GPR149: variants seen among roughly 807,000 people sequenced by gnomAD.
GPR149 encodes the protein G protein-coupled receptor 149, also known as probable G protein-coupled receptor 149.
GPR149 carries 50 observed loss-of-function variants against 50.2 expected under a neutral mutation model. That is an observed-to-expected ratio of 1.00 (90% CI 0.79 to 1.26). The LOEUF (loss-of-function observed/expected upper bound fraction) is 1.26. Ranked by LOEUF, GPR149 falls within the 50% of genes most tolerant of loss-of-function variation. GPR149 has a pLI of 0.00. For missense variants in GPR149, 983 were observed against 895.4 expected (o/e 1.10, Z -1.25); for synonymous variants, 405 against 358.2 (o/e 1.13, Z -1.48).
chr3:154,373,039 G>C (rs1356932704), intron 3 of GPR149, among the ~76,000 whole-genome samples: 1 of 152,040 alleles, frequency 6.6e-6, no homozygotes, highest in Admixed American at 6.6e-5. Context: ...ATTTTTTCTG[G>C]AATATATATT....
intron 3 of GPR149, among the ~76,000 whole-genome samples, chr3:154,371,838 C>A (rs184842976): frequency 1.3e-5 from 2 of 152,306 alleles, no homozygotes; most frequent in East Asian, 3.9e-4. Context: ...CTAGGCCCTG[C>A]GACAGCCATC....
chr3:154,394,303 A>T (rs959213875), intron 3 of GPR149, among the ~76,000 whole-genome samples: 1 of 152,112 alleles, frequency 6.6e-6, no homozygotes. Flanking sequence ...CACCAAGAAT[A>T]AACAATGGGG....
chr3:154,374,165 T>TTTTC (rs1335590587), intron 3 of GPR149, among the ~76,000 whole-genome samples: 6 of 25,740 alleles, frequency 2.3e-4, no homozygotes, highest in Non-Finnish European at 3.2e-4. Flanking sequence ...TTTTCTTTTC[T>TTTTC]TTTCTTTTTT....
In GPR149 at chr3:154,427,613, T is replaced by A. The variant is rs756508470; in HGVS notation, c.1077A>T (p.Pro359=). 1.2e-6 allele frequency: 2 copies of A among 1,614,086 alleles called. No homozygotes were observed. The highest frequency in any genetic ancestry group is 3.3e-5 in the Admixed American group (2 of 59,988). Residue 359 remains proline, a synonymous_variant, in exon 2 of 4, where the codon CCA becomes CCT. Transcript: ENST00000389740. ...LLTLLATTVT[P]VFVLSKRWTH... ...TCCAGCGTTTGGACAAGACAAACACTGGGGTTACAGTGGTGGCCAGCAGGG... is the reference window on the plus strand; with the variant it reads ...TCCAGCGTTTGGACAAGACAAACACAGGGGTTACAGTGGTGGCCAGCAGGG...
At chr3:154,387,875 C>A (rs1011667443) in intron 3 of GPR149, among the ~76,000 whole-genome samples, 1 of 151,978 alleles carries the variant, frequency 6.6e-6, no homozygotes, top group Non-Finnish European at 1.5e-5. Context: ...TTAAACAATA[C>A]ACGTCTTGTG....
chr3:154,409,077 C>G (rs1304204893), intron 3 of GPR149, among the ~76,000 whole-genome samples: 1 of 152,190 alleles, frequency 6.6e-6, no homozygotes, highest in Non-Finnish European at 1.5e-5. Context: ...CTCCCCAGTA[C>G]CAGACTGAAA....
At chr3:154,413,702 G>T (rs1169019258) in intron 3 of GPR149, among the ~76,000 whole-genome samples, 3 of 151,756 alleles carry the variant, frequency 2.0e-5, no homozygotes, top group Non-Finnish European at 4.4e-5. Flanking sequence ...TTACACTGTT[G>T]GTGGTAATGT....
chr3:154,385,598 T>C (rs1715027603), intron 3 of GPR149, among the ~76,000 whole-genome samples: 2 of 151,662 alleles, frequency 1.3e-5, no homozygotes, highest in African/African-American at 2.4e-5. Context: ...TATTATACAA[T>C]CACATCTACA....
intron 3 of GPR149, among the ~76,000 whole-genome samples, chr3:154,346,322 T>A (rs1713924525): frequency 6.6e-6 from 1 of 152,226 alleles, no homozygotes; most frequent in Admixed American, 6.5e-5. Context: ...TTGGAATTTA[T>A]TTTTTATTCA....
Position 154,429,121 on chromosome 3 carries a change from C to T in GPR149, c.495G>A (p.Ser165=), listed in dbSNP as rs764808269. The change falls in exon 1 of 4, where the codon TCG becomes TCA. Residue 165 remains serine (S), a synonymous_variant. Coordinates refer to ENST00000389740, the MANE Select transcript of GPR149 (RefSeq NM_001038705.3). ...CGCCCCAGCCGCACAGCGGGAGCGCCGAGAGCAGCAGACTGGCTGCCCACA... is the reference window on the plus strand; with the variant it reads ...CGCCCCAGCCGCACAGCGGGAGCGCTGAGAGCAGCAGACTGGCTGCCCACA... The part of the protein sequence containing the change: ...LTVWAASLLL[S]ALPLCGWGAF... The T allele has an allele frequency of 1.4e-5, 22 of 1,613,494 alleles. No homozygotes were observed. The highest frequency in any genetic ancestry group is 1.8e-5 in the Non-Finnish European group (21 of 1,179,946).
At chr3:154,366,797 T>C (rs996723579) in intron 3 of GPR149, among the ~76,000 whole-genome samples, 2 of 152,238 alleles carry the variant, frequency 1.3e-5, no homozygotes, top group Non-Finnish European at 2.9e-5. Context: ...CTGTGGCTTC[T>C]GTCTCTCTAA....
chr3:154,366,451 C>A (rs1218782187), intron 3 of GPR149, among the ~76,000 whole-genome samples: 2 of 152,214 alleles, frequency 1.3e-5, no homozygotes, highest in Non-Finnish European at 2.9e-5. Flanking sequence ...TAGACAATCT[C>A]CATTAATGCA....
chr3:154,350,633 T>C (rs772934492), intron 3 of GPR149, among the ~76,000 whole-genome samples: 3 of 152,174 alleles, frequency 2.0e-5, no homozygotes, highest in Non-Finnish European at 4.4e-5. Context: ...ATACATTTAA[T>C]ATAATTCCTA....
chr3:154,377,383 T>C (rs1375940838), intron 3 of GPR149, among the ~76,000 whole-genome samples: 1 of 148,232 alleles, frequency 6.7e-6, no homozygotes, highest in Non-Finnish European at 1.5e-5. Context: ...ATTATTATTA[T>C]TATTACTGAG....
chr3:154,385,406 T>A (rs575826935), intron 3 of GPR149, among the ~76,000 whole-genome samples: 1 of 152,320 alleles, frequency 6.6e-6, no homozygotes, highest in East Asian at 1.9e-4. Context: ...ACAAATGTTT[T>A]GTAAAATTCC....
intron 3 of GPR149, among the ~76,000 whole-genome samples, chr3:154,408,884 C>T (rs960073702): frequency 2.0e-5 from 3 of 152,248 alleles, no homozygotes; most frequent in African/African-American, 7.2e-5. Flanking sequence ...AGCTGATGCA[C>T]TCTTGAAAGT....
rs563364637 is a variant in GPR149, at chr3:154,367,339, C to CA, written c.1624-29069_1624-29068insT. 3.6e-3 allele frequency among the ~76,000 whole-genome samples: 133 copies of CA among 37,150 alleles called. 3 individuals are homozygous for CA. In the South Asian group the frequency reaches 0.17, roughly 47 times the overall value. The allele number at this position is 37,150 out of a possible 152,430, so 24.4% of individuals were successfully genotyped here. On this transcript the variant is annotated intron_variant, in intron 3 of 3. Coordinates refer to ENST00000389740, the MANE Select transcript of GPR149 (RefSeq NM_001038705.3). ...TGTCCTCTCTCCCTCTCTCCCTTCC[C>CA]CCCCCCGAAACTAAAAGGAATGTTA...
At position 154,339,956 on chromosome 3, in the gene GPR149, A is replaced by AT. The variant is rs1266158579; in HGVS notation, c.1624-1686dup. Among the ~76,000 whole-genome samples, 18 of 150,902 alleles carry AT rather than the reference A, an allele frequency of 1.2e-4. No individual in the cohort carries two copies. In the East Asian group the frequency reaches 3.1e-3, roughly 26 times the overall value. ...AGGCACCCACCACCACCCCCGCCTA[A>AT]TTTTTTTGTATTTTTTTATTAGAGA... On this transcript the variant is annotated intron_variant, in intron 3 of 3. Transcript: ENST00000389740.
chr3:154,414,648 A>G lies in GPR149; in HGVS notation c.1623+6391T>C, dbSNP rs536773330. On this transcript the variant is annotated intron_variant, in intron 3 of 3. Transcript: ENST00000389740. ...AGGGATCAAAGTTCACATCACCATC[A>G]TAAGATGTATCAACATCATGTACCT... is the stretch of plus-strand genomic sequence containing the variant. 1.6e-4 allele frequency among the ~76,000 whole-genome samples: 24 copies of G among 152,170 alleles called. No homozygotes were observed. The East Asian group carries it at 4.6e-3, about 29-fold the overall frequency.
Sources: allele counts gnomAD v4.1 joint callset (sites outside exome capture counted in the v4.1 genomes callset), GRCh38; gene constraint gnomAD v4.1.1; transcripts MANE v1.5; gene names NCBI Gene and HGNC (gene_info 2026-07-23, HGNC 2026-07-21).